Variants in RGS7 observed in about 807,000 individuals in gnomAD.
RGS7 encodes regulator of G-protein signaling 7.
RGS7 carries 27 observed loss-of-function variants against 81.1 expected under a neutral mutation model. The ratio of observed to expected loss-of-function variants is 0.33; its 90% CI spans 0.25 to 0.46. RGS7 has a LOEUF of 0.46. Among genes scored for constraint, RGS7 ranks in the 20% least tolerant of loss-of-function variants. The pLI, the probability that RGS7 is intolerant of heterozygous loss-of-function variation, is 1.00. For missense variants in RGS7, 396 were observed against 607.4 expected, an observed-to-expected ratio of 0.65 and a Z score of 3.66; for synonymous variants, 208 against 207.7, an observed-to-expected ratio of 1.00 and a Z score of -0.01.
intron 2 of RGS7, among the ~76,000 whole-genome samples, chr1:241,351,753 A>AAG (rs1408697065): frequency 2.6e-4 from 40 of 152,276 alleles, no homozygotes; most frequent in African/African-American, 8.9e-4. Context: ...GGGAAGGGGG[A>AAG]GAGGGGTGAG....
rs555860601 is a variant in RGS7, at chr1:241,348,455, G to A, written c.78+7244C>T. ...ATGCCCATGAAGCAACCAGGATGCT[G>A]ATTATTCACTGACACTAAATTACAA... On this transcript the variant is annotated intron_variant, in intron 2 of 18. Transcript: ENST00000440928. 1.5e-3 allele frequency among the ~76,000 whole-genome samples: 235 copies of A among 152,322 alleles called. 2 individuals are homozygous for A. Among genetic ancestry groups the A allele is most frequent in the African/African-American group, 5.4e-3 (226 of 41,568 alleles).
At chr1:241,220,900 T>C (rs950834739) in intron 2 of RGS7, among the ~76,000 whole-genome samples, 2 of 125,426 alleles carry the variant, frequency 1.6e-5, no homozygotes, top group African/African-American at 3.1e-5. Context: ...GAGAGAGAGA[T>C]GAAAGGAAGA....
At chr1:240,789,789 T>C (rs925883307) in intron 18 of RGS7, among the ~76,000 whole-genome samples, 4 of 152,240 alleles carry the variant, frequency 2.6e-5, no homozygotes, top group African/African-American at 9.6e-5. Context: ...ACCCCGGTCC[T>C]GTGGTCCTGT....
chr1:241,347,522 A>G (rs1422647675), intron 2 of RGS7, among the ~76,000 whole-genome samples: 3 of 152,216 alleles, frequency 2.0e-5, no homozygotes, highest in African/African-American at 4.8e-5. Context: ...AGGGTTCTAA[A>G]CACTTTAAAT....
At chr1:240,977,148 G>C (rs985699565) in intron 4 of RGS7, among the ~76,000 whole-genome samples, 5 of 134,314 alleles carry the variant, frequency 3.7e-5, no homozygotes, top group African/African-American at 1.4e-4. Flanking sequence ...ACATTGCTTT[G>C]TCCTGTTTCT....
intron 3 of RGS7, 40 bp downstream of exon 3, chr1:241,098,626 G>A (rs1572683740): frequency 7.6e-7 from 1 of 1,309,684 alleles, no homozygotes; most frequent in Non-Finnish European, 1.1e-6. Context: ...TTATCTAAGA[G>A]GTACAGGAGA....
intron 2 of RGS7, among the ~76,000 whole-genome samples, chr1:241,200,318 G>T (rs2073404022): frequency 6.6e-6 from 1 of 151,614 alleles, no homozygotes; most frequent in African/African-American, 2.4e-5. Flanking sequence ...GCTTTTAATT[G>T]CTGCAAACCG....
chr1:241,008,715 C>A (rs1165077023), intron 3 of RGS7, among the ~76,000 whole-genome samples: 1 of 151,924 alleles, frequency 6.6e-6, no homozygotes, highest in Non-Finnish European at 1.5e-5. Flanking sequence ...GAGGTCGAGA[C>A]CAGCATGGTC....
At chr1:240,844,933 T>G (rs1164754252) in intron 9 of RGS7, among the ~76,000 whole-genome samples, 2 of 152,222 alleles carry the variant, frequency 1.3e-5, no homozygotes, top group Non-Finnish European at 2.9e-5. Flanking sequence ...CAGTTCCTAT[T>G]GATTTCAACC....
intron 6 of RGS7, among the ~76,000 whole-genome samples, chr1:240,882,973 T>A (rs1299203685): frequency 6.6e-6 from 1 of 152,180 alleles, no homozygotes; most frequent in Admixed American, 6.5e-5. Context: ...TTCCCACCTA[T>A]GAGTGAGAAC....
chr1:241,316,660 C>T (rs558544898), intron 2 of RGS7, among the ~76,000 whole-genome samples: 2 of 152,252 alleles, frequency 1.3e-5, no homozygotes, highest in East Asian at 3.9e-4. Flanking sequence ...AGACGGTTTA[C>T]TAGTATTGTT....
chr1:241,333,453 C>T (rs577336210), intron 2 of RGS7, among the ~76,000 whole-genome samples: 18 of 152,312 alleles, frequency 1.2e-4, no homozygotes, highest in African/African-American at 3.8e-4. Context: ...TCAGCTGGGA[C>T]AAGAACTACT....
intron 3 of RGS7, among the ~76,000 whole-genome samples, chr1:241,042,637 T>G (rs1272907253): frequency 6.7e-6 from 1 of 148,308 alleles, no homozygotes; most frequent in African/African-American, 2.6e-5. Flanking sequence ...CAAGATTATG[T>G]CCCTTGGCCG....
chr1:240,901,359 C>G lies in RGS7; in HGVS notation c.385+29358G>C, dbSNP rs950452956. On this transcript the variant is annotated intron_variant, in intron 6 of 18. Coordinates refer to ENST00000440928, the MANE Select transcript of RGS7 (RefSeq NM_001364886.1). ...AGTTGGAAATGCAGAAATCACCCGT[C>G]TTCTGCGTCGCTCATGCTGGGAGCT... 2.6e-5 allele frequency among the ~76,000 whole-genome samples: 4 copies of G among 152,318 alleles called. No homozygotes were observed. In the South Asian group the frequency reaches 6.2e-4, roughly 24 times the overall value.
chr1:241,026,016 G>T (rs577198000), intron 3 of RGS7, among the ~76,000 whole-genome samples: 1 of 152,190 alleles, frequency 6.6e-6, no homozygotes, highest in East Asian at 1.9e-4. Context: ...CAATACAAAT[G>T]TATATTGGCA....
chr1:241,327,028 A>AGGGAGGGAGTGAGGGAGGG (rs1257519305), intron 2 of RGS7, among the ~76,000 whole-genome samples: 9 of 2,654 alleles, frequency 3.4e-3, no homozygotes, highest in East Asian at 0.04. Context: ...GGAAGGAAGG[A>AGGGAGGGAGTGAGGGAGGG]AGGAAGGAAG....
intron 3 of RGS7, among the ~76,000 whole-genome samples, chr1:241,003,838 T>A (rs1420277742): frequency 6.6e-6 from 1 of 152,104 alleles, no homozygotes; most frequent in East Asian, 1.9e-4. Flanking sequence ...AACCTCCGCC[T>A]CCTGGGTTCA....
intron 2 of RGS7, among the ~76,000 whole-genome samples, chr1:241,289,704 A>G (rs1349308889): frequency 6.6e-6 from 1 of 152,160 alleles, no homozygotes; most frequent in Non-Finnish European, 1.5e-5. Context: ...CACTGATCCT[A>G]AGTTGAAGAA....
intron 2 of RGS7, among the ~76,000 whole-genome samples, chr1:241,266,981 C>G (rs143291374): frequency 5.2e-4 from 79 of 152,300 alleles, no homozygotes; most frequent in African/African-American, 1.9e-3. Context: ...CAAGTAAAGT[C>G]TGGGTCTGCC....
Sources: gnomAD v4.1 joint callset for allele counts (sites outside exome capture counted in the v4.1 genomes callset) on GRCh38, gnomAD v4.1.1 for gene constraint, MANE v1.5 for transcripts, NCBI Gene and HGNC (gene_info 2026-07-23, HGNC 2026-07-21) for gene names.